Variants in NLGN1 observed in about 807,000 individuals in gnomAD.
NLGN1 encodes neuroligin-1.
NLGN1 carries 12 observed loss-of-function variants against 65.5 expected under a neutral mutation model. The observed-to-expected ratio is 0.18, with a 90% CI of 0.12 to 0.30. NLGN1 has a LOEUF of 0.30. NLGN1 is among the 10% of genes least tolerant of loss of function. The probability of loss-of-function intolerance (pLI) is 1.00; values close to 1 mark genes in which losing one functional copy is unlikely to be tolerated. For missense variants in NLGN1, 750 were observed against 1,007.1 expected, an observed-to-expected ratio of 0.74 and a Z score of 3.46; for synonymous variants, 350 against 359.5, an observed-to-expected ratio of 0.97 and a Z score of 0.30.
intron 4 of NLGN1, among the ~76,000 whole-genome samples, chr3:173,991,178 C>T (rs1721021042): frequency 6.6e-6 from 1 of 152,128 alleles, no homozygotes; most frequent in Non-Finnish European, 1.5e-5. Context: ...GGTACCTTCA[C>T]TGCCATAAAA....
intron 4 of NLGN1, among the ~76,000 whole-genome samples, chr3:173,995,147 G>A (rs367775574): frequency 6.6e-6 from 1 of 152,162 alleles, no homozygotes; most frequent in South Asian, 2.1e-4. Context: ...ACTAAAGCTG[G>A]TTAAGCCAAG....
In NLGN1 at chr3:173,535,841, A is replaced by C. The variant is rs527267700; in HGVS notation, c.-320-68438A>C. Among the ~76,000 whole-genome samples the C allele has an allele frequency of 2.2e-4, 34 of 152,340 alleles. 1 individual carries two copies. In the South Asian group the frequency reaches 5.0e-3, roughly 22 times the overall value. The stretch of plus-strand genomic sequence containing the variant: ...AGTATTTTTTGCTTCGAAATAAGGC[A>C]CATGATTTAAATACAGGCAAGGGCA... On this transcript the variant is annotated intron_variant, in intron 2 of 6. Coordinates refer to ENST00000457714, the Ensembl canonical transcript of NLGN1.
intron 2 of NLGN1, among the ~76,000 whole-genome samples, chr3:173,559,072 C>A (rs528385174): frequency 6.6e-6 from 1 of 152,216 alleles, no homozygotes; most frequent in Non-Finnish European, 1.5e-5. Flanking sequence ...TTGCCTCTAC[C>A]TTTTTGATCT....
chr3:174,287,407 C>T (rs1280799929), downstream of NLGN1, among the ~76,000 whole-genome samples: 1 of 151,258 alleles, frequency 6.6e-6, no homozygotes, highest in African/African-American at 2.4e-5. Flanking sequence ...TGGCCATGGG[C>T]ACCTAATAAA....
At chr3:173,709,619 T>G (rs2149933661) in intron 3 of NLGN1, among the ~76,000 whole-genome samples, 1 of 151,490 alleles carries the variant, frequency 6.6e-6, no homozygotes, top group African/African-American at 2.4e-5. Context: ...CTGTCCAAAA[T>G]GATGAAACCC....
At chr3:174,171,556 T>C (rs1728533304) in intron 4 of NLGN1, among the ~76,000 whole-genome samples, 2 of 152,190 alleles carry the variant, frequency 1.3e-5, no homozygotes, top group Admixed American at 1.3e-4. Flanking sequence ...CTTAAAGAGA[T>C]CTTTAATGTT....
At chr3:173,806,045 C>T (rs1716573975) in intron 3 of NLGN1, among the ~76,000 whole-genome samples, 1 of 152,098 alleles carries the variant, frequency 6.6e-6, no homozygotes. Context: ...TCCCTCACTA[C>T]TTAAAAACAA....
intron 4 of NLGN1, among the ~76,000 whole-genome samples, chr3:174,025,280 A>T (rs575948938): frequency 4.1e-4 from 63 of 152,290 alleles, no homozygotes; most frequent in African/African-American, 1.5e-3. Context: ...TTAACCTTGG[A>T]TTGTTTTTAA....
chr3:173,573,326 C>T (rs1744950135), intron 2 of NLGN1, among the ~76,000 whole-genome samples: 1 of 152,042 alleles, frequency 6.6e-6, no homozygotes, highest in Non-Finnish European at 1.5e-5. Context: ...AATATTGGTA[C>T]AGAGGATGCA....
rs1735037737 is a variant in NLGN1 at position 173,523,118 on chromosome 3, A to T, written c.-320-81161A>T. Among the ~76,000 whole-genome samples, 4 of 122,146 alleles carry T rather than the reference A, an allele frequency of 3.3e-5. No individual in the cohort carries two copies. In the Admixed American group the frequency reaches 3.4e-4, roughly 10 times the overall value. 80.1% of individuals were successfully genotyped at this position (122,146 alleles called of 152,430 possible). A position where few individuals can be genotyped will look rare whatever the true frequency, so the allele number is the denominator to read the frequency against. On this transcript the variant is annotated intron_variant, in intron 2 of 6. Transcript: ENST00000457714. ...TCCTTTGCCCACATTCTAAAAAATG[A>T]GGTTATTTGTTTTTGTTGTTGTTAT...
intron 4 of NLGN1, among the ~76,000 whole-genome samples, chr3:174,129,635 G>C (rs1382859521): frequency 3.3e-5 from 5 of 152,180 alleles, no homozygotes; most frequent in Non-Finnish European, 7.3e-5. Flanking sequence ...ATGCTGCTGA[G>C]GGGGATACCC....
intron 3 of NLGN1, among the ~76,000 whole-genome samples, chr3:173,721,826 A>C (rs774102730): frequency 3.1e-4 from 47 of 152,138 alleles, no homozygotes; most frequent in Non-Finnish European, 6.5e-4. Context: ...GAACCATTTA[A>C]TCATTTTAAT....
At chr3:173,840,090 G>C (rs2150668044) in intron 4 of NLGN1, among the ~76,000 whole-genome samples, 1 of 152,216 alleles carries the variant, frequency 6.6e-6, no homozygotes, top group African/African-American at 2.4e-5. Context: ...CAATATATGT[G>C]ACTCTAAATG....
chr3:174,164,139 G>A (rs1364783538), intron 4 of NLGN1, among the ~76,000 whole-genome samples: 2 of 152,026 alleles, frequency 1.3e-5, no homozygotes, highest in Admixed American at 1.3e-4. Context: ...ATTTTGGCTG[G>A]TGTGAGGTAG....
chr3:173,778,028 A>C (rs1030039923), intron 3 of NLGN1, among the ~76,000 whole-genome samples: 1 of 151,796 alleles, frequency 6.6e-6, no homozygotes, highest in Admixed American at 6.6e-5. Context: ...CCAATGAAGC[A>C]CTCATCAAAT....
chr3:173,571,299 T>A (rs1188023972), intron 2 of NLGN1, among the ~76,000 whole-genome samples: 1 of 152,232 alleles, frequency 6.6e-6, no homozygotes, highest in Non-Finnish European at 1.5e-5. Flanking sequence ...AAATCAGATA[T>A]GTTGAAGTGC....
intron 4 of NLGN1, among the ~76,000 whole-genome samples, chr3:174,094,868 T>C (rs544827812): frequency 6.6e-6 from 1 of 151,376 alleles, no homozygotes; most frequent in Admixed American, 6.6e-5. Context: ...GAACAGCAGG[T>C]CACTCCATTT....
chr3:173,570,012 A>C (rs1295225525), intron 2 of NLGN1, among the ~76,000 whole-genome samples: 1 of 152,234 alleles, frequency 6.6e-6, no homozygotes, highest in Non-Finnish European at 1.5e-5. Flanking sequence ...TGTCTCCCAA[A>C]GAACAATTAA....
At chr3:173,397,416 C>T (rs538108675), upstream of NLGN1, among the ~76,000 whole-genome samples, 12 of 152,008 alleles carry the variant, frequency 7.9e-5, no homozygotes, top group South Asian at 2.1e-4. Context: ...GTGGGAACTT[C>T]CCCTCATTTC....
Sources: allele counts gnomAD v4.1 joint callset (sites outside exome capture counted in the v4.1 genomes callset), GRCh38; gene constraint gnomAD v4.1.1; transcripts MANE v1.5; gene names NCBI Gene and HGNC (gene_info 2026-07-23, HGNC 2026-07-21).